Variants in PCDH11X observed in about 807,000 individuals in gnomAD.
PCDH11X encodes protocadherin 11 X-linked, also known as protocadherin-11 X-linked.
A neutral mutation model predicts 53.3 loss-of-function variants in PCDH11X; 18 were observed. That is an observed-to-expected ratio of 0.34 (90% CI 0.23 to 0.50). The LOEUF is 0.50. PCDH11X is among the 20% of genes least tolerant of loss of function. The pLI, the probability that PCDH11X is intolerant of heterozygous loss-of-function variation, is 0.98. For synonymous variants in PCDH11X, 279 were observed against 393.3 expected (o/e 0.71, Z 3.44); for missense variants, 570 against 1,032.4 (o/e 0.55, Z 6.14).
chrX:92,116,380 C>T (rs1464263566), intron 6 of PCDH11X, among the ~76,000 whole-genome samples: 3 of 111,725 alleles, frequency 2.7e-5, no homozygotes, highest in African/African-American at 9.8e-5. Flanking sequence ...CAAAGAGTAA[C>T]AGCTCTTTCT....
intron 6 of PCDH11X, among the ~76,000 whole-genome samples, chrX:92,104,111 A>T (rs1258938943): frequency 3.6e-5 from 4 of 111,337 alleles, no homozygotes; most frequent in African/African-American, 6.5e-5. Flanking sequence ...AACCTTGACT[A>T]TGCCTTTAGC....
At chrX:92,342,313 A>G (rs1170666940) in intron 8 of PCDH11X, among the ~76,000 whole-genome samples, 1 of 110,523 alleles carries the variant, frequency 9.0e-6, no homozygotes, top group Non-Finnish European at 1.9e-5. Context: ...AAATGAAAAA[A>G]AGAAAACTAC....
intron 6 of PCDH11X, among the ~76,000 whole-genome samples, chrX:92,121,915 G>C (rs537680482): frequency 9.3e-6 from 1 of 107,428 alleles, no homozygotes; most frequent in Non-Finnish European, 1.9e-5. Flanking sequence ...TAGTAGAGAT[G>C]GGGTTTCACC....
At chrX:92,115,800 G>A (rs1238452331) in intron 6 of PCDH11X, among the ~76,000 whole-genome samples, 2 of 109,100 alleles carry the variant, frequency 1.8e-5, no homozygotes, top group Non-Finnish European at 3.8e-5. Context: ...AGCTGCGCTG[G>A]CAGGTGATTG....
chrX:91,932,671 A>AGTGTGTGTGTGT lies in PCDH11X; in HGVS notation c.3033+53416_3033+53427dup, dbSNP rs67334455. 1.1e-4 allele frequency among the ~76,000 whole-genome samples: 10 copies of AGTGTGTGTGTGT among 94,633 alleles called. No individual in the cohort carries two copies. In the East Asian group the frequency reaches 3.1e-3, roughly 29 times the overall value. 82.2% of individuals were successfully genotyped at this position (94,633 alleles called of 115,157 possible). A position where few individuals can be genotyped will look rare whatever the true frequency, so the allele number is the denominator to read the frequency against. On this transcript the variant is annotated intron_variant, in intron 6 of 10. Coordinates refer to ENST00000682573, the MANE Select transcript of PCDH11X (RefSeq NM_032968.5). ...ATGGTGTATGTGTCTGCATTGTGTGAGTGTGTGTGTGTGTGTGTGTGTGTG... is the reference window on the plus strand; with the variant it reads ...ATGGTGTATGTGTCTGCATTGTGTGAGTGTGTGTGTGTGTGTGTGTGTGTGTGTGTGTGTGTG...
chrX:91,835,769 G>T lies in PCDH11X; in HGVS notation c.265G>T (p.Ala89Ser), dbSNP rs1321956313. 85 of 1,209,326 alleles carry T rather than the reference G, an allele frequency of 7.0e-5. No homozygotes were observed. Among genetic ancestry groups the T allele is most frequent in the Non-Finnish European group, 9.3e-5 (83 of 895,064 alleles). Residue 89 changes from alanine (A) to serine (S), a missense_variant, in exon 5 of 11, where the codon GCT (alanine) becomes TCT (serine). Physicochemically the swap from Ala to Ser is moderately conservative, Grantham distance 99. Transcript: ENST00000682573. ...EDTGEIFTTGARIDREKLCAG... is the reference protein window; with the variant it reads ...EDTGEIFTTGSRIDREKLCAG... ...TACTGGTGAGATCTTCACTACTGGC[G>T]CTCGCATTGATCGTGAGAAATTATG...
At chrX:91,976,570 C>A (rs2062050091) in intron 6 of PCDH11X, among the ~76,000 whole-genome samples, 1 of 111,677 alleles carries the variant, frequency 9.0e-6, no homozygotes, top group Non-Finnish European at 1.9e-5. Flanking sequence ...AAATGTCTTG[C>A]ACAGCAAATG....
At chrX:92,439,012 C>A (rs1163724967) in intron 9 of PCDH11X, among the ~76,000 whole-genome samples, 5 of 110,862 alleles carry the variant, frequency 4.5e-5, no homozygotes, top group Non-Finnish European at 7.6e-5. Context: ...GTCATGACAC[C>A]AGAAGTAGAC....
chrX:92,054,905 A>T (rs1320630110), intron 6 of PCDH11X, among the ~76,000 whole-genome samples: 2 of 101,163 alleles, frequency 2.0e-5, no homozygotes, highest in African/African-American at 7.2e-5. Context: ...TTTGAAACTG[A>T]AAACACATGT....
intron 6 of PCDH11X, among the ~76,000 whole-genome samples, chrX:92,006,234 A>G (rs1011757892): frequency 9.2e-6 from 1 of 109,251 alleles, no homozygotes. Flanking sequence ...AAGGCTAATA[A>G]CTCTTAAATT....
At chrX:91,925,471 A>G (rs1282964494) in intron 6 of PCDH11X, among the ~76,000 whole-genome samples, 1 of 111,188 alleles carries the variant, frequency 9.0e-6, no homozygotes, top group Non-Finnish European at 1.9e-5. Context: ...CTACATTTTC[A>G]TTGAAATATG....
At chrX:92,379,303 C>G (rs905299981) in intron 8 of PCDH11X, among the ~76,000 whole-genome samples, 3 of 113,099 alleles carry the variant, frequency 2.7e-5, no homozygotes, top group Non-Finnish European at 5.6e-5. Context: ...AATTTTGGAG[C>G]AAAGTTGAGG....
intron 6 of PCDH11X, among the ~76,000 whole-genome samples, chrX:92,157,943 G>A (rs770209117): frequency 3.6e-5 from 4 of 111,707 alleles, no homozygotes; most frequent in South Asian, 3.7e-4. Flanking sequence ...GGCCGGTCGC[G>A]GTAGCTCATG....
At chrX:92,391,242 A>G (rs1267990298) in intron 9 of PCDH11X, among the ~76,000 whole-genome samples, 1 of 107,695 alleles carries the variant, frequency 9.3e-6, no homozygotes, top group Non-Finnish European at 1.9e-5. Flanking sequence ...AACAAAATAG[A>G]AACCCAATTC....
chrX:91,821,919 C>A (rs1246964401), intron 4 of PCDH11X, among the ~76,000 whole-genome samples: 1 of 98,841 alleles, frequency 1.0e-5, no homozygotes, highest in Admixed American at 1.0e-4. Flanking sequence ...TTTTCTGCAT[C>A]TATTGAGATA....
intron 7 of PCDH11X, 45 bp downstream of exon 7, chrX:92,201,500 T>A (rs779109716): frequency 2.4e-6 from 2 of 841,191 alleles, no homozygotes; most frequent in Non-Finnish European, 3.4e-6. Context: ...TCCTTTTAAA[T>A]GATTTTTATA....
At chrX:91,915,769 C>T (rs1190198183) in intron 6 of PCDH11X, among the ~76,000 whole-genome samples, 4 of 111,066 alleles carry the variant, frequency 3.6e-5, no homozygotes, top group Non-Finnish European at 5.7e-5. Context: ...ACTCCACTGC[C>T]GGCACTAGAC....
intron 6 of PCDH11X, among the ~76,000 whole-genome samples, chrX:92,104,282 C>G (rs1235582614): frequency 1.8e-5 from 2 of 108,963 alleles, no homozygotes; most frequent in Non-Finnish European, 3.8e-5. Flanking sequence ...CTCAGCCTGT[C>G]GAGGAGGGGA....
chrX:92,545,215 G>T (rs1229437994), intron 10 of PCDH11X, among the ~76,000 whole-genome samples: 3 of 109,902 alleles, frequency 2.7e-5, no homozygotes, highest in Admixed American at 9.8e-5. Context: ...AGGCATAAAA[G>T]AATTTACTTT....
Sources: allele counts gnomAD v4.1 joint callset (sites outside exome capture counted in the v4.1 genomes callset), GRCh38; gene constraint gnomAD v4.1.1; transcripts MANE v1.5; gene names NCBI Gene and HGNC (gene_info 2026-07-23, HGNC 2026-07-21).